Variants in HNF4G observed in about 807,000 individuals in gnomAD.
The protein encoded by HNF4G is hepatocyte nuclear factor 4-gamma.
A neutral mutation model predicts 50.9 loss-of-function variants in HNF4G; 21 were observed. The observed-to-expected ratio is 0.41, with a 90% CI of 0.29 to 0.59. The LOEUF is 0.59. Among genes scored for constraint, HNF4G ranks in the 20% least tolerant of loss-of-function variants. HNF4G has a pLI of 0.26. For missense variants in HNF4G, 527 were observed against 559.4 expected (o/e 0.94, Z 0.58); for synonymous variants, 198 against 185.6 (o/e 1.07, Z -0.54).
At chr8:75,557,012 A>T (rs1189754258) in intron 6 of HNF4G, among the ~76,000 whole-genome samples, 2 of 152,178 alleles carry the variant, frequency 1.3e-5, no homozygotes, top group Non-Finnish European at 2.9e-5. Context: ...CTAGAAAATA[A>T]TATAGCCAAG....
At chr8:75,557,469 A>C (rs1193484502) in intron 6 of HNF4G, among the ~76,000 whole-genome samples, 1 of 152,102 alleles carries the variant, frequency 6.6e-6, no homozygotes. Flanking sequence ...AAAATACAAA[A>C]AATTAACTGG....
At chr8:75,513,407 T>C (rs971107957) in intron 2 of HNF4G, among the ~76,000 whole-genome samples, 1 of 152,224 alleles carries the variant, frequency 6.6e-6, no homozygotes, top group Non-Finnish European at 1.5e-5. Flanking sequence ...TAAATTTGTT[T>C]AGAAAAATGC....
intron 1 of HNF4G, among the ~76,000 whole-genome samples, chr8:75,448,493 A>G (rs914729258): frequency 2.7e-5 from 4 of 150,488 alleles, no homozygotes; most frequent in Non-Finnish European, 3.0e-5. Context: ...TCTTTAAAAA[A>G]AAAAAAAAAC....
chr8:75,414,938 G>T (rs924995469), intron 1 of HNF4G, among the ~76,000 whole-genome samples: 47 of 152,276 alleles, frequency 3.1e-4, no homozygotes, highest in Non-Finnish European at 7.4e-5. Context: ...CATAGGCAAA[G>T]AATTACCAAT....
chr8:75,482,893 C>A (rs187417510), intron 1 of HNF4G, among the ~76,000 whole-genome samples: 33 of 152,212 alleles, frequency 2.2e-4, no homozygotes, highest in African/African-American at 7.9e-4. Flanking sequence ...ATATTTACAC[C>A]ATTGTTTCAT....
At chr8:75,550,244 A>T (rs1299744158) in intron 3 of HNF4G, among the ~76,000 whole-genome samples, 1 of 152,170 alleles carries the variant, frequency 6.6e-6, no homozygotes, top group Non-Finnish European at 1.5e-5. Context: ...TTGGTTAATG[A>T]AAGATAATTT....
chr8:75,468,580 G>A (rs777995441), intron 1 of HNF4G, among the ~76,000 whole-genome samples: 7 of 151,896 alleles, frequency 4.6e-5, no homozygotes, highest in Admixed American at 1.3e-4. Context: ...TGTAATCCCA[G>A]CTACTAGGGA....
chr8:75,422,950 T>C (rs999701117), intron 1 of HNF4G, among the ~76,000 whole-genome samples: 4 of 152,208 alleles, frequency 2.6e-5, no homozygotes, highest in Non-Finnish European at 5.9e-5. Context: ...CTGATAACTA[T>C]ATTATTATCA....
At chr8:75,419,262 G>A (rs1268689107) in intron 1 of HNF4G, among the ~76,000 whole-genome samples, 4 of 152,156 alleles carry the variant, frequency 2.6e-5, no homozygotes, top group South Asian at 2.1e-4. Context: ...GGGAGAAACC[G>A]TTTTAAGTAT....
intron 1 of HNF4G, among the ~76,000 whole-genome samples, chr8:75,540,851 A>ATGTGTGTGTGTG (rs56799230): frequency 0.027 from 3,889 of 146,416 alleles, 65 homozygotes; most frequent in African/African-American, 0.035. Context: ...GAAAATGTGT[A>ATGTGTGTGTGTG]TGTGTGTGTG....
Position 75,564,324 on chromosome 8 carries a change from G to T in HNF4G, c.*228G>T. ...TCTGAGTTTGAAGATGTTTATATAG[G>T]GTATTTTTTCCAACTGCCCCTGCAT... On this transcript the variant is annotated 3_prime_UTR_variant, in exon 10 of 10. Coordinates refer to ENST00000396423, the MANE Select transcript of HNF4G (RefSeq NM_004133.5). 1 of 419,796 alleles carries T rather than the reference G, an allele frequency of 2.4e-6. No homozygotes were observed. The highest frequency in any genetic ancestry group is 4.2e-6 in the Non-Finnish European group (1 of 235,460). The allele number at this position is 419,796 out of a possible 1,614,324, so 26.0% of individuals were successfully genotyped here.
At chr8:75,424,769 A>G (rs1176321014) in intron 1 of HNF4G, among the ~76,000 whole-genome samples, 1 of 152,198 alleles carries the variant, frequency 6.6e-6, no homozygotes, top group Non-Finnish European at 1.5e-5. Context: ...TATATATGCC[A>G]TATTTTCTTT....
chr8:75,427,082 T>C (rs965131630), intron 1 of HNF4G, among the ~76,000 whole-genome samples: 1 of 152,132 alleles, frequency 6.6e-6, no homozygotes, highest in African/African-American at 2.4e-5. Context: ...AGTGAGGTGA[T>C]AATAAGTAAT....
In HNF4G at chr8:75,504,230, G is replaced by GACAGAC. The variant is rs1314650395; in HGVS notation, c.-24+14025_-24+14026insGACACA. On this transcript the variant is annotated intron_variant, in intron 2 of 10. Transcript: ENST00000354370. Reference sequence around the variant, plus strand: ...AGTAAGACTTTGTCCAAAGCACACAGACACACACACACACACACACACACA... The same window carrying GACAGAC: ...AGTAAGACTTTGTCCAAAGCACACAGACAGACACACACACACACACACACACACACA... Among the ~76,000 whole-genome samples the GACAGAC allele has an allele frequency of 2.1e-4, 23 of 108,316 alleles. 1 individual carries two copies. Among genetic ancestry groups the GACAGAC allele is most frequent in the Admixed American group, 1.9e-3 (22 of 11,700 alleles). 71.1% of individuals were successfully genotyped at this position (108,316 alleles called of 152,430 possible).
At chr8:75,508,344 A>G (rs1374997272) in intron 2 of HNF4G, among the ~76,000 whole-genome samples, 1 of 151,632 alleles carries the variant, frequency 6.6e-6, no homozygotes, top group Non-Finnish European at 1.5e-5. Context: ...GTGAGGATTG[A>G]CATGTGGTTA....
chr8:75,421,495 G>A (rs752712858), intron 1 of HNF4G, among the ~76,000 whole-genome samples: 65 of 152,132 alleles, frequency 4.3e-4, no homozygotes, highest in African/African-American at 5.8e-4. Flanking sequence ...TGGCATTTAC[G>A]AAAAACCTAT....
chr8:75,514,354 CTTTT>C (rs36078375), intron 2 of HNF4G, among the ~76,000 whole-genome samples: 2 of 125,036 alleles, frequency 1.6e-5, no homozygotes, highest in East Asian at 4.5e-4. Flanking sequence ...TTTCTTCTTT[CTTTT>C]TTTTTTTCTT....
chr8:75,466,876 G>T (rs186262621), intron 1 of HNF4G, among the ~76,000 whole-genome samples: 2 of 151,920 alleles, frequency 1.3e-5, no homozygotes, highest in African/African-American at 4.8e-5. Context: ...TAGAGATGGG[G>T]TTTTGCCACG....
At chr8:75,517,863 C>T (rs1283190923) in intron 2 of HNF4G, among the ~76,000 whole-genome samples, 1 of 152,120 alleles carries the variant, frequency 6.6e-6, no homozygotes, top group Admixed American at 6.5e-5. Context: ...ATTCTCCTTC[C>T]ACACTACCTT....
Sources: allele counts gnomAD v4.1 joint callset (sites outside exome capture counted in the v4.1 genomes callset), GRCh38; gene constraint gnomAD v4.1.1; transcripts MANE v1.5; gene names NCBI Gene and HGNC (gene_info 2026-07-23, HGNC 2026-07-21).